Variants in ARHGAP39 observed in about 807,000 individuals in gnomAD.
ARHGAP39 encodes rho GTPase-activating protein 39.
ARHGAP39 carries 44 observed loss-of-function variants against 106.9 expected under a neutral mutation model. That is an observed-to-expected ratio of 0.41 (90% CI 0.32 to 0.53). The LOEUF (loss-of-function observed/expected upper bound fraction) is 0.53, where lower values mean the gene tolerates loss of function less well. Among genes scored for constraint, ARHGAP39 ranks in the 20% least tolerant of loss-of-function variants. The probability of loss-of-function intolerance (pLI) is 0.21; values close to 1 mark genes in which losing one functional copy is unlikely to be tolerated. For synonymous variants in ARHGAP39, 768 were observed against 693.2 expected (o/e 1.11, Z -1.69); for missense variants, 1,496 against 1,577.3 (o/e 0.95, Z 0.87).
At chr8:144,575,842 T>A (rs994932776) in intron 3 of ARHGAP39, among the ~76,000 whole-genome samples, 6 of 152,204 alleles carry the variant, frequency 3.9e-5, no homozygotes, top group Non-Finnish European at 7.3e-5. Flanking sequence ...TACGCCAGCA[T>A]CACCACAGAC....
chr8:144,603,213 A>G (rs1460293852), intron 2 of ARHGAP39, among the ~76,000 whole-genome samples: 281 of 66,870 alleles, frequency 4.2e-3, no homozygotes, highest in Middle Eastern at 0.014. Flanking sequence ...GTGTGTGCTC[A>G]TGTACCTGTG....
intron 1 of ARHGAP39, among the ~76,000 whole-genome samples, chr8:144,631,505 C>T (rs1307690115): frequency 2.6e-5 from 4 of 152,222 alleles, no homozygotes; most frequent in Non-Finnish European, 5.9e-5. Flanking sequence ...CCTCTCGTTC[C>T]TGAGGATAAT....
chr8:144,533,947 G>A (rs1343950240), intron 8 of ARHGAP39, among the ~76,000 whole-genome samples, 182 bp downstream of exon 8: 1 of 152,112 alleles, frequency 6.6e-6, no homozygotes, highest in African/African-American at 2.4e-5. Flanking sequence ...CCCCGGGGGA[G>A]GGTGCAGCCC....
At chr8:144,608,495 A>C (rs1286969762) in intron 1 of ARHGAP39, among the ~76,000 whole-genome samples, 1 of 152,164 alleles carries the variant, frequency 6.6e-6, no homozygotes, top group African/African-American at 2.4e-5. Flanking sequence ...CCCACGCCAC[A>C]GTGAGTCCAA....
At chr8:144,621,525 G>A (rs1205395438) in intron 1 of ARHGAP39, among the ~76,000 whole-genome samples, 1 of 152,236 alleles carries the variant, frequency 6.6e-6, no homozygotes, top group African/African-American at 2.4e-5. Context: ...GCAGGTGGGA[G>A]GAAGACAGTG....
intron 3 of ARHGAP39, among the ~76,000 whole-genome samples, chr8:144,558,340 G>A (rs1404629427): frequency 6.6e-6 from 1 of 152,048 alleles, no homozygotes; most frequent in Non-Finnish European, 1.5e-5. Flanking sequence ...TGGCTTGAAT[G>A]CAGTGGTGTG....
At chr8:144,692,811 G>C in the ARHGAP39 span, among the ~76,000 whole-genome samples, 2 of 138,914 alleles carry the variant, frequency 1.4e-5, no homozygotes, top group African/African-American at 5.5e-5. Context: ...CCAGGCTGCA[G>C]TGCAATGGTG....
chr8:144,623,300 G>A (rs942855308), intron 1 of ARHGAP39, among the ~76,000 whole-genome samples: 1 of 152,174 alleles, frequency 6.6e-6, no homozygotes, highest in African/African-American at 2.4e-5. Flanking sequence ...AAATGACAGA[G>A]TACAAGGAAA....
At chr8:144,675,826 T>C (rs1379642902) in intron 1 of ARHGAP39, among the ~76,000 whole-genome samples, 1 of 152,120 alleles carries the variant, frequency 6.6e-6, no homozygotes, top group Non-Finnish European at 1.5e-5. Flanking sequence ...TTACAGTTCT[T>C]AAAGGCAGTG....
chr8:144,684,279 C>T lies in ARHGAP39; in HGVS notation c.-82+1407G>A, dbSNP rs1822515577. ...TGAGTCTCCTCGATTTACAGCCACA[C>T]CTCCTATCAAATCGCCTTTCCCTCC... is the stretch of plus-strand genomic sequence containing the variant. On this transcript the variant is annotated intron_variant, in intron 1 of 11. Transcript: ENST00000377307. The surrounding 1 kb of genome is among the most constrained non-coding windows in gnomAD (Gnocchi z 4.4). 6.6e-6 allele frequency among the ~76,000 whole-genome samples: 1 copy of T among 152,226 alleles called. No individual in the cohort carries two copies. The highest frequency in any genetic ancestry group is 6.5e-5 in the Admixed American group (1 of 15,290).
chr8:144,547,018 G>T lies in ARHGAP39; in HGVS notation c.1959+109C>A. Reference sequence around the variant, plus strand: ...GACACGGGGCTTCAGAACTCTGCGTGCTGCGTGCACGCCCTGGACGCCAGG... The same window carrying T: ...GACACGGGGCTTCAGAACTCTGCGTTCTGCGTGCACGCCCTGGACGCCAGG... On this transcript the variant is annotated intron_variant, in intron 5 of 11. Coordinates refer to ENST00000377307, the MANE Select transcript of ARHGAP39 (RefSeq NM_025251.3). This position sits in a 1 kb window ranked among gnomAD's most constrained non-coding sequence, Gnocchi z 5.2. The T allele has an allele frequency of 7.5e-7, 1 of 1,328,950 alleles. No homozygotes were observed. The highest frequency in any genetic ancestry group is 1.0e-6 in the Non-Finnish European group (1 of 999,832). The allele number at this position is 1,328,950 out of a possible 1,614,324, so 82.3% of individuals were successfully genotyped here.
At chr8:144,551,392 C>A (rs11994758) in intron 4 of ARHGAP39, among the ~76,000 whole-genome samples, 6,055 of 152,212 alleles carry the variant, frequency 0.04, 413 homozygotes, top group African/African-American at 0.14. Flanking sequence ...GCCGATGATC[C>A]CGCCTGGCCA....
intron 2 of ARHGAP39, among the ~76,000 whole-genome samples, chr8:144,582,004 A>G (rs770835056): frequency 3.3e-5 from 5 of 152,176 alleles, no homozygotes; most frequent in African/African-American, 1.2e-4. Context: ...ACCCTGCGAC[A>G]GGCCTGGTCC....
chr8:144,554,286 C>T (rs111522486), intron 4 of ARHGAP39, among the ~76,000 whole-genome samples: 3 of 152,188 alleles, frequency 2.0e-5, no homozygotes, highest in Non-Finnish European at 2.9e-5. Flanking sequence ...AGGGGCAGGA[C>T]GCTGGGGCGG....
intron 3 of ARHGAP39, among the ~76,000 whole-genome samples, chr8:144,576,493 G>C (rs1420788313): frequency 6.6e-6 from 1 of 152,156 alleles, no homozygotes; most frequent in East Asian, 1.9e-4. Context: ...CTGAGCCATG[G>C]GTGACAGGGC....
At chr8:144,587,426 G>A (rs1819220445) in intron 2 of ARHGAP39, among the ~76,000 whole-genome samples, 1 of 152,330 alleles carries the variant, frequency 6.6e-6, no homozygotes, top group African/African-American at 2.4e-5. Context: ...AATGTAGAGG[G>A]TGTATAAAGA....
chr8:144,568,934 G>A (rs528973816), intron 3 of ARHGAP39, among the ~76,000 whole-genome samples: 10 of 152,154 alleles, frequency 6.6e-5, no homozygotes, highest in African/African-American at 2.4e-4. Flanking sequence ...ACAGCGAGAC[G>A]ACAGATTTAC....
At chr8:144,582,154 G>T (rs1819015830) in intron 2 of ARHGAP39, among the ~76,000 whole-genome samples, 1 of 152,220 alleles carries the variant, frequency 6.6e-6, no homozygotes, top group Non-Finnish European at 1.5e-5. Context: ...GGCAAGTGGT[G>T]AGGGCAGAAG....
chr8:144,664,401 G>A (rs970292412), intron 1 of ARHGAP39, among the ~76,000 whole-genome samples: 2 of 152,158 alleles, frequency 1.3e-5, no homozygotes, highest in Non-Finnish European at 2.9e-5. Flanking sequence ...CTTCCATTCT[G>A]TGAAGGGCAA....
Sources: allele counts gnomAD v4.1 joint callset (sites outside exome capture counted in the v4.1 genomes callset), GRCh38; gene constraint gnomAD v4.1.1; non-coding constraint Gnocchi (gnomAD v3.1); transcripts MANE v1.5; gene names NCBI Gene and HGNC (gene_info 2026-07-23, HGNC 2026-07-21).